PLEKHH2: variants seen among roughly 807,000 people sequenced by gnomAD.
PLEKHH2 encodes pleckstrin homology, MyTH4 and FERM domain containing H2.
In PLEKHH2, 129 loss-of-function variants were observed where a neutral mutation model predicts 187.9. The ratio of observed to expected loss-of-function variants is 0.69; its 90% CI spans 0.59 to 0.79. The LOEUF is 0.79. Ranked by LOEUF, PLEKHH2 falls within the 30% of genes least tolerant of loss-of-function variation. The probability of loss-of-function intolerance (pLI) is 0.00; values close to 1 mark genes in which losing one functional copy is unlikely to be tolerated. For synonymous variants in PLEKHH2, 686 were observed against 605.6 expected, an observed-to-expected ratio of 1.13 and a Z score of -1.95; for missense variants, 2,076 against 1,751.2, an observed-to-expected ratio of 1.19 and a Z score of -3.31.
chr2:43,712,464 A>C, intron 15 of PLEKHH2, 81 bp downstream of exon 15: 1 of 1,449,378 alleles, frequency 6.9e-7, no homozygotes, highest in East Asian at 2.4e-5. Context: ...ATGTCAGAGC[A>C]TATACATATA....
Position 43,767,804 on chromosome 2 carries a change from A to T in PLEKHH2, c.*2206A>T, listed in dbSNP as rs1326114037. 6.5e-6 allele frequency: 1 copy of T among 152,804 alleles called. No homozygotes were observed. The highest frequency in any genetic ancestry group is 2.4e-5 in the African/African-American group (1 of 41,468). 9.5% of individuals were successfully genotyped at this position (152,804 alleles called of 1,614,324 possible). A position where few individuals can be genotyped will look rare whatever the true frequency, so the allele number is the denominator to read the frequency against. On this transcript the variant is annotated 3_prime_UTR_variant, in exon 30 of 30. Coordinates refer to ENST00000282406, the MANE Select transcript of PLEKHH2 (RefSeq NM_172069.4). ...AGAGATAAAATATTTTGATGGAAGGAAATCAATTTTCTGTAACTGATGATG... is the reference window on the plus strand; with the variant it reads ...AGAGATAAAATATTTTGATGGAAGGTAATCAATTTTCTGTAACTGATGATG...
intron 21 of PLEKHH2, among the ~76,000 whole-genome samples, chr2:43,742,309 ATT>A (rs71393204): frequency 6.9e-6 from 1 of 145,838 alleles, no homozygotes. Context: ...GCCTGAAGAC[ATT>A]TTTTTTTTTT....
intron 3 of PLEKHH2, among the ~76,000 whole-genome samples, chr2:43,691,264 G>A (rs891436646): frequency 9.2e-5 from 14 of 152,204 alleles, no homozygotes; most frequent in African/African-American, 2.4e-5. Context: ...TTTATTGAAT[G>A]ATGAAACAGC....
At chr2:43,684,449 C>G (rs1668393482) in intron 3 of PLEKHH2, among the ~76,000 whole-genome samples, 1 of 152,026 alleles carries the variant, frequency 6.6e-6, no homozygotes, top group African/African-American at 2.4e-5. Context: ...ATTCTTAATT[C>G]ATAATATGTG....
chr2:43,696,098 G>A (rs542569159), intron 6 of PLEKHH2, among the ~76,000 whole-genome samples: 6 of 152,200 alleles, frequency 3.9e-5, no homozygotes, highest in East Asian at 3.9e-4. Context: ...TTGATAATCC[G>A]CTGATAAACT....
At chr2:43,686,106 TTCTTCTTCTTCC>T (rs1168702815) in intron 3 of PLEKHH2, among the ~76,000 whole-genome samples, 1 of 151,960 alleles carries the variant, frequency 6.6e-6, no homozygotes, top group Admixed American at 6.6e-5. Flanking sequence ...AAGTTAGTTC[TTCTTCTTCTTCC>T]TCTTCTTCTT....
chr2:43,761,434 G>A (rs1417767593), intron 27 of PLEKHH2, among the ~76,000 whole-genome samples: 2 of 116,946 alleles, frequency 1.7e-5, no homozygotes, highest in African/African-American at 6.6e-5. Flanking sequence ...TTTTTTAGAT[G>A]AAGTCTCACT....
chr2:43,641,731 C>G (rs1665940554), intron 1 of PLEKHH2, among the ~76,000 whole-genome samples: 1 of 152,210 alleles, frequency 6.6e-6, no homozygotes, highest in African/African-American at 2.4e-5. Context: ...GTTGTCCCAG[C>G]ATCATCTGTT....
intron 14 of PLEKHH2, chr2:43,711,347 A>C (rs1373087305): frequency 1.0e-6 from 1 of 985,304 alleles, no homozygotes; most frequent in Non-Finnish European, 1.2e-6. Context: ...GTCTTTGGGC[A>C]TGGCAGTTAA....
Position 43,767,459 on chromosome 2 carries a change from C to T in PLEKHH2, c.*1861C>T, listed in dbSNP as rs1672661798. The T allele has an allele frequency of 6.6e-6, 1 of 152,318 alleles. No individual in the cohort carries two copies. Among genetic ancestry groups the T allele is most frequent in the Admixed American group, 6.5e-5 (1 of 15,282 alleles). 9.4% of individuals were successfully genotyped at this position (152,318 alleles called of 1,614,324 possible). On this transcript the variant is annotated 3_prime_UTR_variant, in exon 30 of 30. Transcript: ENST00000282406. The stretch of plus-strand genomic sequence containing the variant: ...AGATTTCAATTGACTGTTTCCCCTA[C>T]ATCTTTTGAGCCACAGTCGCCCATC...
At chr2:43,645,624 G>A (rs889623835) in intron 2 of PLEKHH2, among the ~76,000 whole-genome samples, 1 of 152,096 alleles carries the variant, frequency 6.6e-6, no homozygotes, top group Admixed American at 6.5e-5. Flanking sequence ...AAATATCTCA[G>A]CAATAATTTT....
At chr2:43,679,008 T>A in intron 3 of PLEKHH2, 83 bp downstream of exon 3, 2 of 849,330 alleles carry the variant, frequency 2.4e-6, no homozygotes, top group Non-Finnish European at 3.9e-6. Context: ...AAGACAATTA[T>A]CAGCCCACCT....
At chr2:43,659,323 G>T (rs534764614) in intron 2 of PLEKHH2, among the ~76,000 whole-genome samples, 1 of 151,152 alleles carries the variant, frequency 6.6e-6, no homozygotes, top group Non-Finnish European at 1.5e-5. Flanking sequence ...TTATTTTCTC[G>T]CCTGGTCGTT....
chr2:43,740,772 T>G, intron 20 of PLEKHH2, 174 bp from the exon 21 acceptor site: 1 of 1,185,702 alleles, frequency 8.4e-7, no homozygotes, highest in Non-Finnish European at 1.1e-6. Context: ...TCTGACCCAA[T>G]GTAGAGTTTT....
At chr2:43,684,206 C>A (rs1330555966) in intron 3 of PLEKHH2, among the ~76,000 whole-genome samples, 1 of 150,796 alleles carries the variant, frequency 6.6e-6, no homozygotes, top group East Asian at 2.0e-4. Context: ...CCCTTCTTTT[C>A]CCCTTCCTTT....
chr2:43,734,997 C>A (rs189576387), intron 19 of PLEKHH2, among the ~76,000 whole-genome samples: 36 of 152,110 alleles, frequency 2.4e-4, no homozygotes, highest in Admixed American at 2.2e-3. Context: ...CTGGTCTCTA[C>A]TAAAAATACA....
At chr2:43,713,476 C>G (rs1670065751) in intron 15 of PLEKHH2, among the ~76,000 whole-genome samples, 1 of 151,878 alleles carries the variant, frequency 6.6e-6, no homozygotes, top group Non-Finnish European at 1.5e-5. Context: ...TACTATGCAG[C>G]CTTTTAAATG....
chr2:43,708,824 C>T (rs1440571642), intron 11 of PLEKHH2, among the ~76,000 whole-genome samples: 1 of 152,114 alleles, frequency 6.6e-6, no homozygotes, highest in East Asian at 1.9e-4. Context: ...TGGGCCTTAG[C>T]CATGACAATC....
intron 29 of PLEKHH2, among the ~76,000 whole-genome samples, chr2:43,765,106 T>A (rs1265177023): frequency 6.6e-6 from 1 of 152,266 alleles, no homozygotes; most frequent in East Asian, 1.9e-4. Context: ...TTAATTCATA[T>A]ATTCACTAAT....
Sources: allele counts gnomAD v4.1 joint callset (sites outside exome capture counted in the v4.1 genomes callset), GRCh38; gene constraint gnomAD v4.1.1; transcripts MANE v1.5; gene names NCBI Gene and HGNC (gene_info 2026-07-23, HGNC 2026-07-21).